MADCAM1: variants seen among roughly 807,000 people sequenced by gnomAD.
MADCAM1 encodes the protein mucosal vascular addressin cell adhesion molecule 1, also known as mucosal addressin cell adhesion molecule 1.
A neutral mutation model predicts 26.1 loss-of-function variants in MADCAM1; 19 were observed. The ratio of observed to expected loss-of-function variants is 0.73; its 90% CI spans 0.51 to 1.07. MADCAM1 has a LOEUF of 1.07. Ranked by LOEUF, MADCAM1 falls within the 50% of genes least tolerant of loss-of-function variation. The probability of loss-of-function intolerance (pLI) is 0.00; values close to 1 mark genes in which losing one functional copy is unlikely to be tolerated. For synonymous variants in MADCAM1, 268 were observed against 260.9 expected (o/e 1.03, Z -0.26); for missense variants, 514 against 542.1 (o/e 0.95, Z 0.51).
rs561262414 is a variant in MADCAM1 at position 503,408 on chromosome 19, C to T, written c.929-1337C>T. ...CATCCTGGCTAACACGGTGAAACCC[C>T]GTCTCCACTAAAAATACAAAAAATT... On this transcript the variant is annotated intron_variant, in intron 4 of 4. Coordinates refer to ENST00000215637, the MANE Select transcript of MADCAM1 (RefSeq NM_130760.3). 4.6e-4 allele frequency among the ~76,000 whole-genome samples: 69 copies of T among 151,232 alleles called. 2 individuals are homozygous for T. In the East Asian group the frequency reaches 6.2e-3, roughly 14 times the overall value.
At chr19:499,774 G>A (rs753101802) in intron 3 of MADCAM1, 20 of 456,086 alleles carry the variant, frequency 4.4e-5, no homozygotes, top group African/African-American at 3.0e-4. Flanking sequence ...CTGAATGCTC[G>A]GATGAAGACA....
Position 501,682 on chromosome 19 carries a change from G to GACCTCCCCAGAGCCTCCCAACACC in MADCAM1, c.689_690insAGAGCCTCCCAACACCACCTCCCC (p.Pro233_Asp234insAsnThrThrSerProGluProPro). The GACCTCCCCAGAGCCTCCCAACACC allele has an allele frequency of 4.8e-6, 6 of 1,248,976 alleles. No homozygotes were observed. Among genetic ancestry groups the GACCTCCCCAGAGCCTCCCAACACC allele is most frequent in the Non-Finnish European group, 6.2e-6 (6 of 963,958 alleles). The allele number at this position is 1,248,976 out of a possible 1,614,324, so 77.4% of individuals were successfully genotyped here. On this transcript the variant is annotated inframe_insertion, in exon 4 of 5. Transcript: ENST00000215637. ...CTCTGTTTCCAGTCCTGCACAGCCCGACCTCCCCGGAGCCTCCCGACACCA... is the reference window on the plus strand; with the variant it reads ...CTCTGTTTCCAGTCCTGCACAGCCCGACCTCCCCAGAGCCTCCCAACACCACCTCCCCGGAGCCTCCCGACACCA...
Position 498,839 on chromosome 19 carries a change from G to A in MADCAM1, c.667+14G>A. On this transcript the variant is annotated intron_variant, in intron 3 of 4. Coordinates refer to ENST00000215637, the MANE Select transcript of MADCAM1 (RefSeq NM_130760.3). ...AGGCCATCCCCGGTGAGTCCGCTGG[G>A]TGCCCTGGAGACCCACCCGCTCGCC... 1 of 1,292,578 alleles carries A rather than the reference G, an allele frequency of 7.7e-7. No individual in the cohort carries two copies. The highest frequency in any genetic ancestry group is 5.4e-5 in the East Asian group (1 of 18,628). The allele number at this position is 1,292,578 out of a possible 1,614,324, so 80.1% of individuals were successfully genotyped here.
At position 504,970 on chromosome 19, in the gene MADCAM1, C is replaced by T; in HGVS notation, c.*5C>T. ...GTCGGGATCAGCCCCTCCTGAGTGG[C>T]CAGCCTTTCCCCCTGTGAAAGCAAA... On this transcript the variant is annotated 3_prime_UTR_variant, in exon 5 of 5. Transcript: ENST00000215637. 1 of 1,577,228 alleles carries T rather than the reference C, an allele frequency of 6.3e-7. No homozygotes were observed. Among genetic ancestry groups the T allele is most frequent in the Non-Finnish European group, 8.7e-7 (1 of 1,154,510 alleles).
Position 498,040 on chromosome 19 carries a change from C to T in MADCAM1, c.260C>T (p.Ser87Leu). The part of the protein sequence containing the change: ...SVLTVRNASL[S>L]AAGTRVCVGS... Reference sequence around the variant, plus strand: ...CTCACCGTGCGCAACGCCTCGCTGTCGGCGGCCGGGACCCGCGTGTGCGTG... The same window carrying T: ...CTCACCGTGCGCAACGCCTCGCTGTTGGCGGCCGGGACCCGCGTGTGCGTG... Residue 87 changes from serine (S) to leucine (L), a missense_variant, in exon 2 of 5, where the codon TCG (serine) becomes TTG (leucine). By Grantham distance (145) the Ser-to-Leu change is moderately radical. This residue lies in a region of MADCAM1 where 317 missense variants were observed against 313.6 expected (regional missense o/e 1.01). Transcript: ENST00000215637. 1.3e-6 allele frequency: 2 copies of T among 1,490,736 alleles called. No individual in the cohort carries two copies. The highest frequency in any genetic ancestry group is 1.8e-6 in the Non-Finnish European group (2 of 1,126,318). 92.3% of individuals were successfully genotyped at this position (1,490,736 alleles called of 1,614,324 possible).
In MADCAM1 at chr19:498,093, C is replaced by A; in HGVS notation, c.313C>A (p.His105Asn). 1 of 1,430,004 alleles carries A rather than the reference C, an allele frequency of 7.0e-7. No homozygotes were observed. The highest frequency in any genetic ancestry group is 9.1e-7 in the Non-Finnish European group (1 of 1,096,296). 88.6% of individuals were successfully genotyped at this position (1,430,004 alleles called of 1,614,324 possible). A position where few individuals can be genotyped will look rare whatever the true frequency, so the allele number is the denominator to read the frequency against. ...CTCCTGCGGGGGCCGCACCTTCCAGCACACCGTGCAGCTCCTTGTGTACGG... is the reference window on the plus strand; with the variant it reads ...CTCCTGCGGGGGCCGCACCTTCCAGAACACCGTGCAGCTCCTTGTGTACGG... Reference protein sequence around the residue: ...VGSCGGRTFQHTVQLLVYAFP... With the variant: ...VGSCGGRTFQNTVQLLVYAFP... Residue 105 changes from histidine to asparagine, a missense_variant, in exon 2 of 5, where the codon CAC (histidine) becomes AAC (asparagine). Around this residue, in one of 3 missense-constraint regions of MADCAM1, gnomAD observed 317 missense variants for 313.6 expected, o/e 1.01. Coordinates refer to ENST00000215637, the MANE Select transcript of MADCAM1 (RefSeq NM_130760.3).
Position 505,250 on chromosome 19 carries a change from A to G in MADCAM1, c.*285A>G, listed in dbSNP as rs1385272324. On this transcript the variant is annotated 3_prime_UTR_variant, in exon 5 of 5. Transcript: ENST00000215637. ...ATTGATTCATGTCTCACGTCTCCCT[A>G]AAAATGCGTAAGACCAAGCTGTGCC... The G allele has an allele frequency of 2.8e-6, 1 of 361,216 alleles. No individual in the cohort carries two copies. Among genetic ancestry groups the G allele is most frequent in the African/African-American group, 2.1e-5 (1 of 48,134 alleles). 22.4% of individuals were successfully genotyped at this position (361,216 alleles called of 1,614,324 possible). A position where few individuals can be genotyped will look rare whatever the true frequency, so the allele number is the denominator to read the frequency against.
In MADCAM1 at chr19:498,824, C is replaced by G. The variant is rs1978301137; in HGVS notation, c.666C>G (p.Pro222=). The G allele has an allele frequency of 8.1e-7, 1 of 1,241,092 alleles. No homozygotes were observed. The highest frequency in any genetic ancestry group is 1.0e-6 in the Non-Finnish European group (1 of 978,276). The allele number at this position is 1,241,092 out of a possible 1,614,324, so 76.9% of individuals were successfully genotyped here. A position where few individuals can be genotyped will look rare whatever the true frequency, so the allele number is the denominator to read the frequency against. ...AGCTCAGCCACCGCCAGGCCATCCC[C>G]GGTGAGTCCGCTGGGTGCCCTGGAG... ...GLELSHRQAI[P]VLHSPTSPEP... Residue 222 remains proline (P), a splice_region_variant and synonymous_variant, in exon 3 of 5, where the codon CCC becomes CCG. Transcript: ENST00000215637.
At chr19:502,822 G>A (rs1368115618) in intron 4 of MADCAM1, among the ~76,000 whole-genome samples, 1 of 152,186 alleles carries the variant, frequency 6.6e-6, no homozygotes, top group Non-Finnish European at 1.5e-5. Flanking sequence ...TCCACTGGCT[G>A]GAGCAGGATA....
At chr19:498,397 A>G in intron 2 of MADCAM1, 99 bp from the exon 3 acceptor site, 1 of 1,266,248 alleles carries the variant, frequency 7.9e-7, no homozygotes, top group Non-Finnish European at 1.0e-6. Flanking sequence ...GCCCCCACGC[A>G]TCCTTGGCCC....
intron 4 of MADCAM1, among the ~76,000 whole-genome samples, chr19:502,796 A>C (rs1978406821): frequency 3.3e-5 from 5 of 152,096 alleles, no homozygotes; most frequent in Admixed American, 3.3e-4. Context: ...GGTCGCCCTT[A>C]CTGCTGTGTC....
At chr19:503,378 G>C (rs868865320) in intron 4 of MADCAM1, among the ~76,000 whole-genome samples, 1 of 151,012 alleles carries the variant, frequency 6.6e-6, no homozygotes, top group Non-Finnish European at 1.5e-5. Flanking sequence ...TCAGGAGATC[G>C]AGACCATCCT....
At chr19:499,909 T>A in intron 3 of MADCAM1, 1 of 454,338 alleles carries the variant, frequency 2.2e-6, no homozygotes. Flanking sequence ...GATACCCATG[T>A]TAATGGACGT....
intron 2 of MADCAM1, 152 bp downstream of exon 2, chr19:498,269 C>A: frequency 1.1e-6 from 1 of 880,378 alleles, no homozygotes; most frequent in Non-Finnish European, 1.5e-6. Context: ...TCGCTTCCCT[C>A]CAACTCACCC....
Position 501,947 on chromosome 19 carries a change from G to A in MADCAM1, c.928+18G>A. On this transcript the variant is annotated intron_variant, in intron 4 of 4. Coordinates refer to ENST00000215637, the MANE Select transcript of MADCAM1 (RefSeq NM_130760.3). ...AACAGGCTGTGAGTTCTGGTCCCTG[G>A]GGGCAGGGAGGGTGGGAAGGGCTGA... 6.8e-7 allele frequency: 1 copy of A among 1,474,120 alleles called. No individual in the cohort carries two copies. Among genetic ancestry groups the A allele is most frequent in the Non-Finnish European group, 9.0e-7 (1 of 1,111,972 alleles). The allele number at this position is 1,474,120 out of a possible 1,614,324, so 91.3% of individuals were successfully genotyped here.
intron 4 of MADCAM1, among the ~76,000 whole-genome samples, chr19:504,389 A>C (rs907823053): frequency 1.0e-4 from 15 of 149,572 alleles, no homozygotes; most frequent in Non-Finnish European, 1.9e-4. Flanking sequence ...TCAGCCTCCC[A>C]AGTAGCTGGG....
intron 1 of MADCAM1, among the ~76,000 whole-genome samples, chr19:497,620 G>T (rs1374574846): frequency 2.6e-5 from 4 of 151,828 alleles, no homozygotes; most frequent in African/African-American, 9.7e-5. Context: ...GCTGGGGTTC[G>T]GGGGACTGGG....
intron 2 of MADCAM1, among the ~76,000 whole-genome samples, 181 bp downstream of exon 2, chr19:498,298 C>T (rs1430380766): frequency 1.3e-5 from 2 of 152,146 alleles, no homozygotes; most frequent in East Asian, 3.9e-4. Context: ...CCAGGGCCGG[C>T]CCTGGCCCAT....
intron 3 of MADCAM1, 67 bp downstream of exon 3, chr19:498,892 TGGGGGGG>T: frequency 4.8e-5 from 3 of 62,436 alleles, no homozygotes; most frequent in African/African-American, 3.4e-4. Flanking sequence ...CGGGACGGGG[TGGGGGGG>T]TGGGGGGGCA....
Sources: gnomAD v4.1 joint callset for allele counts (sites outside exome capture counted in the v4.1 genomes callset) on GRCh38, gnomAD v4.1.1 for gene constraint, gnomAD v4.1.1 regional missense constraint, MANE v1.5 for transcripts, NCBI Gene and HGNC (gene_info 2026-07-23, HGNC 2026-07-21) for gene names.